The following ANO3 variants were observed in gnomAD, a reference collection of about 807,000 sequenced individuals.
The protein encoded by ANO3 is anoctamin-3.
Under a neutral mutation model 144.8 loss-of-function variants are expected in ANO3, and 99 were observed. The ratio of observed to expected loss-of-function variants is 0.68; its 90% CI spans 0.58 to 0.81. The LOEUF (loss-of-function observed/expected upper bound fraction) is 0.81, where lower values mean the gene tolerates loss of function less well. Ranked by LOEUF, ANO3 falls within the 30% of genes least tolerant of loss-of-function variation. The probability of loss-of-function intolerance (pLI) is 0.00; values close to 1 mark genes in which losing one functional copy is unlikely to be tolerated. For synonymous variants in ANO3, 414 were observed against 392.6 expected, an observed-to-expected ratio of 1.05 and a Z score of -0.64; for missense variants, 905 against 1,202.2, an observed-to-expected ratio of 0.75 and a Z score of 3.66.
At chr11:26,259,341 G>C (rs746136718) in intron 1 of ANO3, among the ~76,000 whole-genome samples, 1 of 152,058 alleles carries the variant, frequency 6.6e-6, no homozygotes, top group Non-Finnish European at 1.5e-5. Flanking sequence ...CAAACAGAAA[G>C]GGAGGTGAAT....
intron 1 of ANO3, among the ~76,000 whole-genome samples, chr11:26,234,658 C>T (rs1325890042): frequency 1.3e-5 from 2 of 152,128 alleles, no homozygotes; most frequent in Non-Finnish European, 2.9e-5. Flanking sequence ...GATGTATGAC[C>T]TATACTCACC....
intron 14 of ANO3, among the ~76,000 whole-genome samples, chr11:26,596,157 CCTTTA>C (rs1356356895): frequency 6.6e-6 from 1 of 150,682 alleles, no homozygotes; most frequent in East Asian, 2.0e-4. Context: ...CACTGTTTTT[CCTTTA>C]CTATTTCTAT....
intron 24 of ANO3, among the ~76,000 whole-genome samples, chr11:26,654,896 C>T (rs746794781): frequency 6.6e-6 from 1 of 151,994 alleles, no homozygotes; most frequent in Non-Finnish European, 1.5e-5. Flanking sequence ...TTCCACTGAG[C>T]GATTTTATAT....
At chr11:26,437,941 A>T (rs1266485861) in intron 1 of ANO3, among the ~76,000 whole-genome samples, 3 of 152,218 alleles carry the variant, frequency 2.0e-5, no homozygotes, top group Non-Finnish European at 4.4e-5. Context: ...TGAAAAGAGG[A>T]TTTAATTTTA....
At chr11:26,629,005 A>T (rs1268390721) in intron 18 of ANO3, among the ~76,000 whole-genome samples, 3 of 152,064 alleles carry the variant, frequency 2.0e-5, no homozygotes, top group Admixed American at 2.0e-4. Context: ...TTTTACTTGC[A>T]TATCCAATCT....
At chr11:26,423,457 G>C (rs1394032700) in intron 1 of ANO3, among the ~76,000 whole-genome samples, 1 of 151,062 alleles carries the variant, frequency 6.6e-6, no homozygotes, top group Non-Finnish European at 1.5e-5. Context: ...ATATCTGAAT[G>C]AATAAACATT....
At chr11:26,529,372 AT>A (rs1476365018) in intron 7 of ANO3, among the ~76,000 whole-genome samples, 1 of 702 alleles carries the variant, frequency 1.4e-3, no homozygotes. Flanking sequence ...TTATATAATA[AT>A]TATATATTAT....
chr11:26,265,594 AC>A (rs148779404), intron 1 of ANO3, among the ~76,000 whole-genome samples: 2,402 of 152,330 alleles, frequency 0.016, 62 homozygotes, highest in African/African-American at 0.055. Flanking sequence ...AATAAATGTT[AC>A]TCACACACCA....
intron 1 of ANO3, among the ~76,000 whole-genome samples, chr11:26,191,306 A>G (rs1472572470): frequency 6.7e-6 from 1 of 150,262 alleles, no homozygotes; most frequent in Non-Finnish European, 1.5e-5. Context: ...ATATATATAT[A>G]CACACACACA....
intron 1 of ANO3, among the ~76,000 whole-genome samples, chr11:26,316,773 T>A (rs1426621374): frequency 6.6e-6 from 1 of 152,130 alleles, no homozygotes; most frequent in Non-Finnish European, 1.5e-5. Flanking sequence ...AACATCTGCT[T>A]TTCTGGGATA....
chr11:26,316,227 G>A lies in ANO3; in HGVS notation c.-3+6508G>A, dbSNP rs1039474964. Among the ~76,000 whole-genome samples, 10 of 152,104 alleles carry A rather than the reference G, an allele frequency of 6.6e-5. 1 individual carries two copies. Among genetic ancestry groups the A allele is most frequent in the Non-Finnish European group, 1.5e-4 (10 of 68,026 alleles). ...GACACACACAAGATAGTGAAAGCTG[G>A]GTCCAGGGGTGTCACCGCCTTCTGG... On this transcript the variant is annotated intron_variant, in intron 1 of 26. Coordinates refer to the ANO3 transcript ENST00000525139.
intron 17 of ANO3, among the ~76,000 whole-genome samples, chr11:26,606,705 G>A (rs1253043588): frequency 2.0e-5 from 3 of 152,006 alleles, no homozygotes; most frequent in African/African-American, 4.8e-5. Flanking sequence ...ACACACATGG[G>A]TCTTGACTCT....
intron 11 of ANO3, among the ~76,000 whole-genome samples, chr11:26,545,295 A>T (rs1849758206): frequency 6.6e-6 from 1 of 152,078 alleles, no homozygotes; most frequent in African/African-American, 2.4e-5. Context: ...GTATTGTCTC[A>T]TGCTGAATAA....
chr11:26,370,997 A>T (rs1203739738), intron 1 of ANO3, among the ~76,000 whole-genome samples: 1 of 152,238 alleles, frequency 6.6e-6, no homozygotes, highest in African/African-American at 2.4e-5. Context: ...TGTGTAAGTA[A>T]TGAGGAGTCG....
intron 1 of ANO3, 140 bp downstream of exon 1, chr11:26,332,461 T>TAAA (rs1554940639): frequency 1.7e-6 from 1 of 590,796 alleles, no homozygotes; most frequent in Non-Finnish European, 2.8e-6. Context: ...AAAAAAAAAA[T>TAAA]TAAATTCCTC....
chr11:26,624,632 G>T (rs1158368534), intron 18 of ANO3, 134 bp downstream of exon 18: 2 of 630,188 alleles, frequency 3.2e-6, no homozygotes, highest in Non-Finnish European at 5.5e-6. Flanking sequence ...AAAGGAGAGG[G>T]GTAGTATAGG....
chr11:26,426,031 G>T (rs1473567984), intron 1 of ANO3, among the ~76,000 whole-genome samples: 1 of 152,014 alleles, frequency 6.6e-6, no homozygotes, highest in Non-Finnish European at 1.5e-5. Context: ...TCCAAAGTCT[G>T]TCTTTTATTA....
At chr11:26,368,643 CAA>C (rs564216648) in intron 1 of ANO3, among the ~76,000 whole-genome samples, 165 of 151,298 alleles carry the variant, frequency 1.1e-3, no homozygotes, top group African/African-American at 3.1e-3. Context: ...GGAAGAGAGA[CAA>C]AGAGGAGGGA....
chr11:26,373,096 A>G (rs1327558298), intron 1 of ANO3, among the ~76,000 whole-genome samples: 2 of 152,202 alleles, frequency 1.3e-5, no homozygotes, highest in Non-Finnish European at 2.9e-5. Context: ...TTATGTATAT[A>G]CGGGCAGACA....
Sources: gnomAD v4.1 joint callset for allele counts (sites outside exome capture counted in the v4.1 genomes callset) on GRCh38, gnomAD v4.1.1 for gene constraint, MANE v1.5 for transcripts, NCBI Gene and HGNC (gene_info 2026-07-23, HGNC 2026-07-21) for gene names.